ATP6V1H: variants seen among roughly 807,000 people sequenced by gnomAD.
The protein encoded by ATP6V1H is V-type proton ATPase subunit H.
Under a neutral mutation model 71.7 loss-of-function variants are expected in ATP6V1H, and 39 were observed. The ratio of observed to expected loss-of-function variants is 0.54; its 90% CI spans 0.42 to 0.71. ATP6V1H has a LOEUF of 0.71. Ranked by LOEUF, ATP6V1H falls within the 30% of genes least tolerant of loss-of-function variation. The pLI is 0.00. For synonymous variants in ATP6V1H, 192 were observed against 199.3 expected (o/e 0.96, Z 0.31); for missense variants, 509 against 594.9 (o/e 0.86, Z 1.50).
At chr8:53,831,317 A>G (rs766241268) in intron 3 of ATP6V1H, among the ~76,000 whole-genome samples, 2 of 152,192 alleles carry the variant, frequency 1.3e-5, no homozygotes, top group African/African-American at 4.8e-5. Flanking sequence ...ACAGTCTGTA[A>G]CTATACTGAA....
chr8:53,727,778 CAT>C (rs1347240712), intron 13 of ATP6V1H, among the ~76,000 whole-genome samples: 1 of 152,176 alleles, frequency 6.6e-6, no homozygotes, highest in Non-Finnish European at 1.5e-5. Context: ...AACGCAGAAA[CAT>C]AAAATTCAAT....
intron 12 of ATP6V1H, among the ~76,000 whole-genome samples, chr8:53,747,837 C>T (rs1807660763): frequency 6.6e-6 from 1 of 151,952 alleles, no homozygotes; most frequent in Non-Finnish European, 1.5e-5. Context: ...CCACTGCATC[C>T]GTCCAAGAAA....
chr8:53,744,981 CGA>C, intron 12 of ATP6V1H, among the ~76,000 whole-genome samples: 1 of 152,230 alleles, frequency 6.6e-6, no homozygotes, highest in East Asian at 1.9e-4. Flanking sequence ...AGCTGTGCAG[CGA>C]TGATGATACA....
At chr8:53,841,451 G>T in intron 2 of ATP6V1H, 127 bp downstream of exon 2, 1 of 1,130,950 alleles carries the variant, frequency 8.8e-7, no homozygotes, top group Non-Finnish European at 1.3e-6. Context: ...TAATTATTCT[G>T]AAGAGGAAGT....
At chr8:53,728,990 T>A (rs1806918635) in intron 13 of ATP6V1H, among the ~76,000 whole-genome samples, 1 of 152,154 alleles carries the variant, frequency 6.6e-6, no homozygotes, top group African/African-American at 2.4e-5. Flanking sequence ...AAACAAATGC[T>A]CAATAAACCT....
intron 4 of ATP6V1H, among the ~76,000 whole-genome samples, chr8:53,820,385 CA>C (rs1222570087): frequency 1.3e-5 from 2 of 150,678 alleles, no homozygotes; most frequent in Non-Finnish European, 3.0e-5. Flanking sequence ...TTCTGCAAGA[CA>C]AAATGAGACC....
At position 53,782,692 on chromosome 8, in the gene ATP6V1H, T is replaced by G. The variant is rs1809200614; in HGVS notation, c.871-10525A>C. Among the ~76,000 whole-genome samples the G allele has an allele frequency of 2.0e-5, 3 of 152,340 alleles. No individual in the cohort carries two copies. The South Asian group carries it at 6.2e-4, about 32-fold the overall frequency. The stretch of plus-strand genomic sequence containing the variant: ...TGGCTGTGGGTTTCTCATAGATAGC[T>G]CTTAGTATTTTGAGATACGTCCCAT... On this transcript the variant is annotated intron_variant, in intron 9 of 13. Transcript: ENST00000359530.
chr8:53,767,075 C>G (rs973534961), intron 11 of ATP6V1H, among the ~76,000 whole-genome samples: 1 of 152,134 alleles, frequency 6.6e-6, no homozygotes, highest in Admixed American at 6.5e-5. Context: ...ATGTCTTCCC[C>G]GGATGCCCAG....
At chr8:53,784,051 A>G (rs1809271549) in intron 9 of ATP6V1H, among the ~76,000 whole-genome samples, 1 of 150,710 alleles carries the variant, frequency 6.6e-6, no homozygotes, top group Non-Finnish European at 1.5e-5. Context: ...GTAGATGTCT[A>G]TTAGGTCCAC....
intron 12 of ATP6V1H, among the ~76,000 whole-genome samples, chr8:53,744,636 G>C: frequency 6.6e-6 from 1 of 152,152 alleles, no homozygotes; most frequent in East Asian, 1.9e-4. Flanking sequence ...TAAGTAGATG[G>C]GGGTCGGAGT....
chr8:53,739,849 T>A (rs1807352705), intron 13 of ATP6V1H, among the ~76,000 whole-genome samples: 1 of 152,222 alleles, frequency 6.6e-6, no homozygotes, highest in Non-Finnish European at 1.5e-5. Flanking sequence ...CGAGTAGGAC[T>A]GGCCTGCTCA....
chr8:53,729,278 G>C (rs1373975034), intron 13 of ATP6V1H, among the ~76,000 whole-genome samples: 1 of 152,132 alleles, frequency 6.6e-6, no homozygotes, highest in Non-Finnish European at 1.5e-5. Flanking sequence ...TTGGAAGAGA[G>C]GAAGAAGAAA....
intron 13 of ATP6V1H, among the ~76,000 whole-genome samples, chr8:53,735,408 T>A (rs892164864): frequency 6.6e-6 from 1 of 152,190 alleles, no homozygotes; most frequent in Non-Finnish European, 1.5e-5. Flanking sequence ...AACTACATGC[T>A]GCCTACCAGC....
chr8:53,801,762 T>C, intron 8 of ATP6V1H, 37 bp downstream of exon 8: 1 of 1,506,024 alleles, frequency 6.6e-7, no homozygotes, highest in Non-Finnish European at 9.2e-7. Flanking sequence ...GAGATGCTTG[T>C]AAATGTTATT....
intron 11 of ATP6V1H, among the ~76,000 whole-genome samples, chr8:53,757,939 A>G (rs985538436): frequency 6.6e-6 from 1 of 152,248 alleles, no homozygotes; most frequent in Non-Finnish European, 1.5e-5. Flanking sequence ...AAGTAAAGGT[A>G]TATAAAGATG....
At chr8:53,793,868 G>T (rs1377419933) in intron 9 of ATP6V1H, among the ~76,000 whole-genome samples, 3 of 152,124 alleles carry the variant, frequency 2.0e-5, no homozygotes, top group Non-Finnish European at 4.4e-5. Context: ...GAATCCAGGA[G>T]GTGGAGGTTA....
At chr8:53,796,438 A>G (rs1585797873) in intron 8 of ATP6V1H, among the ~76,000 whole-genome samples, 1 of 152,140 alleles carries the variant, frequency 6.6e-6, no homozygotes, top group Non-Finnish European at 1.5e-5. Context: ...CAGAATATAT[A>G]CAATAGAAGA....
At chr8:53,826,699 C>A (rs1431038211) in intron 4 of ATP6V1H, among the ~76,000 whole-genome samples, 3 of 151,998 alleles carry the variant, frequency 2.0e-5, no homozygotes, top group Non-Finnish European at 4.4e-5. Flanking sequence ...GTAATCCCAG[C>A]ACTTTGGGAG....
chr8:53,821,486 G>C (rs1390580916), intron 4 of ATP6V1H, among the ~76,000 whole-genome samples: 1 of 151,860 alleles, frequency 6.6e-6, no homozygotes, highest in Non-Finnish European at 1.5e-5. Context: ...TTCGAGACCA[G>C]CCTGGGCAAC....
Sources: allele counts gnomAD v4.1 joint callset (sites outside exome capture counted in the v4.1 genomes callset), GRCh38; gene constraint gnomAD v4.1.1; transcripts MANE v1.5; gene names NCBI Gene and HGNC (gene_info 2026-07-23, HGNC 2026-07-21).